The following MYO5A variants were observed in gnomAD, a reference collection of about 807,000 sequenced individuals.
The protein encoded by MYO5A is myosin VA.
In MYO5A, 98 loss-of-function variants were observed where a neutral mutation model predicts 249.7. The observed-to-expected ratio is 0.39, with a 90% CI of 0.33 to 0.46. The LOEUF (loss-of-function observed/expected upper bound fraction) is 0.46. Ranked by LOEUF, MYO5A falls within the 20% of genes least tolerant of loss-of-function variation. MYO5A has a pLI of 0.98. For synonymous variants in MYO5A, 778 were observed against 810.6 expected (o/e 0.96, Z 0.68); for missense variants, 1,696 against 2,308.8 (o/e 0.73, Z 5.44).
At position 52,521,879 on chromosome 15, in the gene MYO5A, C is replaced by A. The variant is rs928088640; in HGVS notation, c.27+6901G>T. ...ACCAAGACAGATGGGGAAGAGGAAC[C>A]GTTAAAGGGCAAAATTAACCAAAGG... is the stretch of plus-strand genomic sequence containing the variant. On this transcript the variant is annotated intron_variant, in intron 1 of 41. Coordinates refer to ENST00000399233, the MANE Select transcript of MYO5A (RefSeq NM_001382347.1). Among the ~76,000 whole-genome samples, 3 of 152,206 alleles carry A rather than the reference C, an allele frequency of 2.0e-5. No individual in the cohort carries two copies. In the East Asian group the frequency reaches 5.8e-4, roughly 29 times the overall value.
At chr15:52,434,023 A>T (rs2075604869) in intron 1 of MYO5A, among the ~76,000 whole-genome samples, 2 of 128,798 alleles carry the variant, frequency 1.6e-5, no homozygotes, top group Admixed American at 8.7e-5. Context: ...TTTTTGAGAT[A>T]CAGTCTCGCT....
intron 30 of MYO5A, among the ~76,000 whole-genome samples, chr15:52,345,820 G>A (rs2039594819): frequency 6.6e-6 from 1 of 152,134 alleles, no homozygotes; most frequent in Non-Finnish European, 1.5e-5. Context: ...CAGACCAATA[G>A]ACTTTGCTGG....
chr15:52,366,959 A>G lies in MYO5A; in HGVS notation c.3160+72T>C. On this transcript the variant is annotated intron_variant, in intron 23 of 41. Transcript: ENST00000399233. ...AATTCTAAATAATGTTGTGTAACTCATCAAATGACATTGTAACTTACATAA... is the reference window on the plus strand; with the variant it reads ...AATTCTAAATAATGTTGTGTAACTCGTCAAATGACATTGTAACTTACATAA... The G allele has an allele frequency of 2.4e-6, 3 of 1,227,906 alleles. No homozygotes were observed. In the South Asian group the frequency reaches 3.6e-5, roughly 15 times the overall value. 76.1% of individuals were successfully genotyped at this position (1,227,906 alleles called of 1,614,324 possible).
intron 1 of MYO5A, among the ~76,000 whole-genome samples, chr15:52,499,785 T>C (rs1172588100): frequency 6.6e-6 from 1 of 152,272 alleles, no homozygotes; most frequent in Non-Finnish European, 1.5e-5. Context: ...ATAATGCTAC[T>C]GTGAACACAG....
At chr15:52,399,628 TA>T (rs1225515835) in intron 9 of MYO5A, among the ~76,000 whole-genome samples, 3 of 152,222 alleles carry the variant, frequency 2.0e-5, no homozygotes, top group Non-Finnish European at 4.4e-5. Flanking sequence ...ATGCTTCTTT[TA>T]AAAGTATATA....
chr15:52,405,443 A>G, intron 8 of MYO5A, 50 bp from the exon 9 acceptor site: 4 of 1,344,750 alleles, frequency 3.0e-6, no homozygotes, highest in Non-Finnish European at 4.2e-6. Context: ...AATAGAAACT[A>G]AACAATTACA....
At chr15:52,371,751 T>C (rs923953920) in intron 21 of MYO5A, among the ~76,000 whole-genome samples, 1 of 151,944 alleles carries the variant, frequency 6.6e-6, no homozygotes, top group Non-Finnish European at 1.5e-5. Flanking sequence ...GTGCCTGTAG[T>C]CCCATATACT....
At chr15:52,492,344 G>A (rs1030451915) in intron 1 of MYO5A, among the ~76,000 whole-genome samples, 53 of 152,194 alleles carry the variant, frequency 3.5e-4, no homozygotes, top group Non-Finnish European at 6.2e-4. Context: ...TACAGGTTTC[G>A]AAGAGCCCTC....
At chr15:52,472,551 C>A (rs949589586) in intron 1 of MYO5A, among the ~76,000 whole-genome samples, 26 of 152,272 alleles carry the variant, frequency 1.7e-4, no homozygotes, top group Admixed American at 5.9e-4. Context: ...CCCATCCCCC[C>A]ACCGCACAAC....
At chr15:52,438,998 C>G (rs1367296492) in intron 1 of MYO5A, among the ~76,000 whole-genome samples, 1 of 152,252 alleles carries the variant, frequency 6.6e-6, no homozygotes, top group East Asian at 1.9e-4. Flanking sequence ...TGCCATCGTT[C>G]CTGCATGGCT....
At chr15:52,481,659 C>G (rs1170793815) in intron 1 of MYO5A, among the ~76,000 whole-genome samples, 2 of 152,082 alleles carry the variant, frequency 1.3e-5, no homozygotes, top group Non-Finnish European at 2.9e-5. Flanking sequence ...AGGAGTTAAC[C>G]AAGCAAATGA....
chr15:52,370,967 G>C (rs568070774), intron 21 of MYO5A, among the ~76,000 whole-genome samples: 2 of 152,118 alleles, frequency 1.3e-5, no homozygotes, highest in African/African-American at 4.8e-5. Context: ...TTAAAAATTA[G>C]CTAGACATGG....
chr15:52,491,001 G>A (rs1215983704), intron 1 of MYO5A, among the ~76,000 whole-genome samples: 2 of 152,142 alleles, frequency 1.3e-5, no homozygotes, highest in African/African-American at 4.8e-5. Flanking sequence ...GATTATAGGT[G>A]TGAGCACCAT....
chr15:52,308,258 G>A lies in MYO5A; in HGVS notation c.*5438C>T, dbSNP rs2037678281. 1 of 152,146 alleles carries A rather than the reference G, an allele frequency of 6.6e-6. No homozygotes were observed. The highest frequency in any genetic ancestry group is 6.6e-5 in the Admixed American group (1 of 15,266). 9.4% of individuals were successfully genotyped at this position (152,146 alleles called of 1,614,324 possible). A position where few individuals can be genotyped will look rare whatever the true frequency, so the allele number is the denominator to read the frequency against. ...TAAAAAAAGTATAAAAAGCATTTTG[G>A]AAGATATTTTACATAGTATTTTTCA... On this transcript the variant is annotated 3_prime_UTR_variant, in exon 42 of 42. Transcript: ENST00000399233.
At chr15:52,386,522 T>A (rs1314925510) in intron 14 of MYO5A, among the ~76,000 whole-genome samples, 4 of 152,092 alleles carry the variant, frequency 2.6e-5, no homozygotes, top group Non-Finnish European at 4.4e-5. Context: ...CTATAAACAG[T>A]TAATGCCCAG....
intron 1 of MYO5A, among the ~76,000 whole-genome samples, chr15:52,518,179 G>C (rs774674258): frequency 6.7e-6 from 1 of 149,594 alleles, no homozygotes; most frequent in South Asian, 2.1e-4. Context: ...CACAACTAGG[G>C]ATGGAGGGTG....
intron 14 of MYO5A, among the ~76,000 whole-genome samples, chr15:52,387,011 AC>A (rs1358499322): frequency 2.0e-5 from 3 of 152,266 alleles, no homozygotes; most frequent in African/African-American, 7.2e-5. Context: ...AAATAGAAAA[AC>A]AAAGACTGCC....
chr15:52,433,579 C>T (rs1039449010), intron 1 of MYO5A, among the ~76,000 whole-genome samples: 1 of 151,870 alleles, frequency 6.6e-6, no homozygotes, highest in African/African-American at 2.4e-5. Context: ...TGCCACCACA[C>T]TCAGCTAATT....
chr15:52,361,074 A>T (rs1457574013), intron 24 of MYO5A, among the ~76,000 whole-genome samples: 1 of 152,142 alleles, frequency 6.6e-6, no homozygotes, highest in Non-Finnish European at 1.5e-5. Context: ...ATCCAGAGGC[A>T]CGTAAAAGTC....
Sources: allele counts gnomAD v4.1 joint callset (sites outside exome capture counted in the v4.1 genomes callset), GRCh38; gene constraint gnomAD v4.1.1; transcripts MANE v1.5; gene names NCBI Gene and HGNC (gene_info 2026-07-23, HGNC 2026-07-21).